SYN3: variants seen among roughly 807,000 people sequenced by gnomAD.
SYN3 encodes synapsin III, also known as synapsin-3.
SYN3 carries 35 observed loss-of-function variants against 65.8 expected under a neutral mutation model. That is an observed-to-expected ratio of 0.53 (90% CI 0.41 to 0.70). SYN3 has a LOEUF of 0.70. Ranked by LOEUF, SYN3 falls within the 30% of genes least tolerant of loss-of-function variation. The pLI is 0.00. For synonymous variants in SYN3, 270 were observed against 292.9 expected (o/e 0.92, Z 0.80); for missense variants, 680 against 749.0 (o/e 0.91, Z 1.08).
chr22:33,036,646 AAAATTTTTTT>A (rs1042948345), intron 1 of SYN3, among the ~76,000 whole-genome samples: 3 of 150,826 alleles, frequency 2.0e-5, no homozygotes, highest in African/African-American at 7.3e-5. Context: ...CTTGTCTAAA[AAAATTTTTTT>A]AAATGCTGTA....
At chr22:32,754,146 C>T (rs549614847) in intron 6 of SYN3, among the ~76,000 whole-genome samples, 2 of 152,148 alleles carry the variant, frequency 1.3e-5, no homozygotes, top group East Asian at 1.9e-4. Context: ...TTTCCTCCCT[C>T]CCTCCCTTCC....
intron 3 of SYN3, among the ~76,000 whole-genome samples, chr22:32,955,229 G>C (rs572989210): frequency 2.6e-5 from 4 of 152,260 alleles, no homozygotes; most frequent in African/African-American, 9.6e-5. Context: ...AGACCCTGCT[G>C]TTCCTATCAC....
In SYN3 at chr22:32,535,403, T is replaced by G. The variant is rs189468484; in HGVS notation, c.993-1508A>C. ...CAGCCAGACTTGGGGCTCCACCCTA[T>G]GTTAGAGTAATTTCTATAATTTTTT... On this transcript the variant is annotated intron_variant, in intron 9 of 13. Transcript: ENST00000358763. 3.4e-4 allele frequency among the ~76,000 whole-genome samples: 52 copies of G among 152,332 alleles called. 2 individuals are homozygous for G. The highest frequency in any genetic ancestry group is 1.1e-3 in the African/African-American group (47 of 41,576).
intron 6 of SYN3, among the ~76,000 whole-genome samples, chr22:32,844,724 T>C (rs959904863): frequency 2.2e-4 from 33 of 151,852 alleles, no homozygotes; most frequent in Middle Eastern, 3.4e-3. Flanking sequence ...TTTTTTTTTT[T>C]GCTGAGACAG....
intron 6 of SYN3, among the ~76,000 whole-genome samples, chr22:32,619,950 A>G (rs183147448): frequency 6.6e-6 from 1 of 152,276 alleles, no homozygotes; most frequent in Admixed American, 6.5e-5. Context: ...CAGCCAGCTG[A>G]CCTCCAAACA....
In SYN3 at chr22:33,054,286, G is replaced by A. The variant is rs981465625; in HGVS notation, c.-163+4006C>T. Among the ~76,000 whole-genome samples the A allele has an allele frequency of 2.6e-5, 4 of 152,058 alleles. 1 individual carries two copies. Among genetic ancestry groups the A allele is most frequent in the South Asian group, 4.2e-4 (2 of 4,806 alleles). Reference sequence around the variant, plus strand: ...TCCTGTCTCTATGTGGATGTTTTACGGGCATCTCCAAGAGGGTATTTGAAT... The same window carrying A: ...TCCTGTCTCTATGTGGATGTTTTACAGGCATCTCCAAGAGGGTATTTGAAT... On this transcript the variant is annotated intron_variant, in intron 1 of 13. Transcript: ENST00000358763.
intron 6 of SYN3, among the ~76,000 whole-genome samples, chr22:32,763,599 C>G (rs2045545414): frequency 1.3e-5 from 2 of 152,220 alleles, no homozygotes; most frequent in South Asian, 2.1e-4. Flanking sequence ...CAAATCCAGA[C>G]AGTCTGCATG....
At chr22:32,728,660 C>T (rs2061229644) in intron 6 of SYN3, among the ~76,000 whole-genome samples, 1 of 152,198 alleles carries the variant, frequency 6.6e-6, no homozygotes, top group Non-Finnish European at 1.5e-5. Flanking sequence ...AAGTATGACA[C>T]AGATGGGTGT....
At chr22:32,850,301 G>A (rs1389696803) in intron 6 of SYN3, among the ~76,000 whole-genome samples, 4 of 151,922 alleles carry the variant, frequency 2.6e-5, no homozygotes, top group East Asian at 1.9e-4. Context: ...TTCCTGGGCC[G>A]CAGTTTTGCC....
intron 7 of SYN3, among the ~76,000 whole-genome samples, chr22:32,594,136 G>A (rs2059164862): frequency 6.6e-6 from 1 of 152,014 alleles, no homozygotes; most frequent in African/African-American, 2.4e-5. Flanking sequence ...GAGGCAGTGG[G>A]AGACAAGGGA....
intron 7 of SYN3, among the ~76,000 whole-genome samples, chr22:32,560,519 C>G (rs2058571496): frequency 6.6e-6 from 1 of 152,188 alleles, no homozygotes; most frequent in Admixed American, 6.5e-5. Context: ...CAGGCCTATC[C>G]TGTCGATTCC....
At chr22:32,600,700 T>G (rs1016123850) in intron 6 of SYN3, among the ~76,000 whole-genome samples, 2 of 152,280 alleles carry the variant, frequency 1.3e-5, no homozygotes, top group Admixed American at 1.3e-4. Flanking sequence ...ATGATTTTTT[T>G]TTTTTGAGAC....
intron 10 of SYN3, among the ~76,000 whole-genome samples, chr22:32,532,964 A>T (rs2058102307): frequency 7.0e-6 from 1 of 143,336 alleles, no homozygotes; most frequent in South Asian, 2.5e-4. Context: ...GTGGAGAGCC[A>T]TGGGACATGG....
intron 6 of SYN3, among the ~76,000 whole-genome samples, chr22:32,661,793 C>T (rs2060220963): frequency 6.6e-6 from 1 of 152,146 alleles, no homozygotes; most frequent in South Asian, 2.1e-4. Context: ...TAGAGTATGT[C>T]TCATCCAATA....
intron 7 of SYN3, among the ~76,000 whole-genome samples, chr22:32,594,925 T>G (rs1314564007): frequency 6.6e-6 from 1 of 152,230 alleles, no homozygotes; most frequent in East Asian, 1.9e-4. Context: ...GGTGTCTACT[T>G]GGCCTCACAT....
Position 32,570,795 on chromosome 22 carries a change from C to A in SYN3, c.774+25879G>T, listed in dbSNP as rs185787150. Reference sequence around the variant, plus strand: ...GCCAAAGACCAACACTGGCTTCAAGCCTGCTCAGCACTGGGATGCTGACTT... The same window carrying A: ...GCCAAAGACCAACACTGGCTTCAAGACTGCTCAGCACTGGGATGCTGACTT... On this transcript the variant is annotated intron_variant, in intron 7 of 13. Coordinates refer to ENST00000358763, the MANE Select transcript of SYN3 (RefSeq NM_003490.4). 3.4e-4 allele frequency among the ~76,000 whole-genome samples: 52 copies of A among 152,262 alleles called. No individual in the cohort carries two copies. In the South Asian group the frequency reaches 8.5e-3, roughly 25 times the overall value.
chr22:32,972,897 T>G (rs989045218), intron 3 of SYN3, among the ~76,000 whole-genome samples: 1 of 151,432 alleles, frequency 6.6e-6, no homozygotes, highest in African/African-American at 2.4e-5. Flanking sequence ...TGGTCCAAGC[T>G]ACTTGGGAGG....
chr22:32,809,680 C>G (rs1265323713), intron 6 of SYN3, among the ~76,000 whole-genome samples: 1 of 152,182 alleles, frequency 6.6e-6, no homozygotes, highest in African/African-American at 2.4e-5. Flanking sequence ...AGTCATTATT[C>G]TGACACAATC....
intron 7 of SYN3, among the ~76,000 whole-genome samples, chr22:32,573,536 T>C (rs964523420): frequency 1.6e-4 from 25 of 152,340 alleles, no homozygotes; most frequent in African/African-American, 6.0e-4. Flanking sequence ...AACTCTATCA[T>C]ACATGTTGTA....
Sources: allele counts gnomAD v4.1 joint callset (sites outside exome capture counted in the v4.1 genomes callset), GRCh38; gene constraint gnomAD v4.1.1; transcripts MANE v1.5; gene names NCBI Gene and HGNC (gene_info 2026-07-23, HGNC 2026-07-21).